Variants in ISM1 observed in about 807,000 individuals in gnomAD.
ISM1 encodes isthmin-1.
Under a neutral mutation model 46.3 loss-of-function variants are expected in ISM1, and 25 were observed. The ratio of observed to expected loss-of-function variants is 0.54; its 90% confidence interval spans 0.39 to 0.75. The LOEUF (loss-of-function observed/expected upper bound fraction) is 0.75. Among genes scored for constraint, ISM1 ranks in the 30% least tolerant of loss-of-function variants. The pLI is 0.00. For missense variants in ISM1, 536 were observed against 625.4 expected (o/e 0.86, Z 1.52); for synonymous variants, 255 against 256.7 (o/e 0.99, Z 0.06).
chr20:13,250,778 G>A (rs2039860145), intron 1 of ISM1, among the ~76,000 whole-genome samples: 1 of 152,158 alleles, frequency 6.6e-6, no homozygotes, highest in Admixed American at 6.5e-5. Flanking sequence ...ATGAGTAAAT[G>A]GATACATGCC....
At position 13,300,624 on chromosome 20, in the gene ISM1, G is replaced by A. The variant is rs1285763758; in HGVS notation, c.*1165G>A. Reference sequence around the variant, plus strand: ...CTTTGCAAAATTCTAGTAAAAGAGAGTATATAATAAAATCATAATAAAAGG... The same window carrying A: ...CTTTGCAAAATTCTAGTAAAAGAGAATATATAATAAAATCATAATAAAAGG... On this transcript the variant is annotated 3_prime_UTR_variant, in exon 6 of 6. Coordinates refer to ENST00000262487, the MANE Select transcript of ISM1 (RefSeq NM_080826.2). 1 of 152,150 alleles carries A rather than the reference G, an allele frequency of 6.6e-6. No individual in the cohort carries two copies. Among genetic ancestry groups the A allele is most frequent in the Non-Finnish European group, 1.5e-5 (1 of 68,038 alleles). The allele number at this position is 152,150 out of a possible 1,614,324, so 9.4% of individuals were successfully genotyped here. A position where few individuals can be genotyped will look rare whatever the true frequency, so the allele number is the denominator to read the frequency against.
the ISM1 span, among the ~76,000 whole-genome samples, chr20:13,321,192 A>T: frequency 0.02 from 2,894 of 147,856 alleles, 109 homozygotes; most frequent in African/African-American, 0.07. Flanking sequence ...ACAGAATGAG[A>T]CCCTGTCTCC....
chr20:13,262,052 A>G (rs2039994910), intron 1 of ISM1, among the ~76,000 whole-genome samples: 1 of 152,156 alleles, frequency 6.6e-6, no homozygotes, highest in South Asian at 2.1e-4. Flanking sequence ...TAGGTGCACT[A>G]ATGATCTGGT....
chr20:13,323,339 G>A, the ISM1 span, among the ~76,000 whole-genome samples: 128 of 152,306 alleles, frequency 8.4e-4, 5 homozygotes, highest in South Asian at 0.022. Context: ...GACTCAGGCG[G>A]AGCAAGGCAA....
intron 1 of ISM1, among the ~76,000 whole-genome samples, chr20:13,261,475 C>T (rs994856529): frequency 2.0e-5 from 3 of 151,562 alleles, no homozygotes; most frequent in Middle Eastern, 3.2e-3. Context: ...AAGCAACTAC[C>T]TGAGGCGTGG....
At chr20:13,266,068 A>G (rs2040039688) in intron 1 of ISM1, among the ~76,000 whole-genome samples, 1 of 152,218 alleles carries the variant, frequency 6.6e-6, no homozygotes, top group Non-Finnish European at 1.5e-5. Context: ...ACTCCTTTGC[A>G]GCAGTTCTGT....
the ISM1 span, among the ~76,000 whole-genome samples, chr20:13,313,501 A>G: frequency 1.3e-5 from 2 of 152,090 alleles, no homozygotes; most frequent in Non-Finnish European, 2.9e-5. Flanking sequence ...TCTGTACAAC[A>G]CTTTCCTTTT....
At chr20:13,259,458 A>T (rs1163350028) in intron 1 of ISM1, among the ~76,000 whole-genome samples, 1 of 152,194 alleles carries the variant, frequency 6.6e-6, no homozygotes, top group East Asian at 1.9e-4. Context: ...TAAAATTTTC[A>T]TAATATTAAA....
chr20:13,304,998 C>T (rs1041975988), downstream of ISM1, among the ~76,000 whole-genome samples: 25 of 152,054 alleles, frequency 1.6e-4, no homozygotes, highest in African/African-American at 5.8e-4. Context: ...CGCTTAAATA[C>T]TTATTAAGTG....
At chr20:13,255,240 T>A (rs2039914071) in intron 1 of ISM1, among the ~76,000 whole-genome samples, 1 of 152,216 alleles carries the variant, frequency 6.6e-6, no homozygotes, top group Admixed American at 6.5e-5. Flanking sequence ...GATGGCAACC[T>A]GGACTAGGAC....
the ISM1 span, among the ~76,000 whole-genome samples, chr20:13,307,518 T>C: frequency 6.6e-6 from 1 of 152,202 alleles, no homozygotes; most frequent in Non-Finnish European, 1.5e-5. Context: ...AAACTGAATT[T>C]CTTTGTATGT....
chr20:13,306,831 G>A, the ISM1 span, among the ~76,000 whole-genome samples: 1 of 152,124 alleles, frequency 6.6e-6, no homozygotes, highest in Non-Finnish European at 1.5e-5. Flanking sequence ...AAGGGATGGG[G>A]ACTCTGGTCA....
At chr20:13,292,924 C>T (rs913591353) in intron 5 of ISM1, among the ~76,000 whole-genome samples, 3 of 152,106 alleles carry the variant, frequency 2.0e-5, no homozygotes, top group South Asian at 2.1e-4. Flanking sequence ...GGGCCAGGCG[C>T]GGTGGGTCAT....
intron 1 of ISM1, among the ~76,000 whole-genome samples, chr20:13,226,802 C>T (rs1021042607): frequency 6.6e-6 from 1 of 152,164 alleles, no homozygotes; most frequent in African/African-American, 2.4e-5. Flanking sequence ...TGAGTTTGCA[C>T]AACTTCATTT....
intron 4 of ISM1, among the ~76,000 whole-genome samples, chr20:13,290,404 C>T (rs1261280486): frequency 6.6e-6 from 1 of 152,210 alleles, no homozygotes; most frequent in Non-Finnish European, 1.5e-5. Flanking sequence ...AATCCCAGCA[C>T]TTTGGGAGGC....
chr20:13,251,732 G>T (rs78474818), intron 1 of ISM1, among the ~76,000 whole-genome samples: 6,173 of 152,294 alleles, frequency 0.041, 190 homozygotes, highest in African/African-American at 0.079. Flanking sequence ...AAGTCAGGAT[G>T]TTGAAAGAAG....
chr20:13,229,904 C>T (rs2039569735), intron 1 of ISM1, among the ~76,000 whole-genome samples: 1 of 152,108 alleles, frequency 6.6e-6, no homozygotes, highest in African/African-American at 2.4e-5. Flanking sequence ...TTTCTTCTAC[C>T]TCCTCCATAG....
chr20:13,303,103 A>T (rs1004740181), downstream of ISM1, among the ~76,000 whole-genome samples: 1 of 152,220 alleles, frequency 6.6e-6, no homozygotes. Flanking sequence ...AAGGAAAAGA[A>T]GCCCAACAAG....
chr20:13,268,332 C>A, intron 1 of ISM1, among the ~76,000 whole-genome samples: 1 of 134,490 alleles, frequency 7.4e-6, no homozygotes, highest in Admixed American at 7.7e-5. Flanking sequence ...TCTCTTTCTC[C>A]TTCTCCTTCT....
Sources: allele counts gnomAD v4.1 joint callset (sites outside exome capture counted in the v4.1 genomes callset), GRCh38; gene constraint gnomAD v4.1.1; transcripts MANE v1.5; gene names NCBI Gene and HGNC (gene_info 2026-07-23, HGNC 2026-07-21).